The following IFT172 variants were observed in gnomAD, a reference collection of about 807,000 sequenced individuals.
IFT172 encodes intraflagellar transport protein 172 homolog.
In IFT172, 164 loss-of-function variants were observed where a neutral mutation model predicts 248.9. The observed-to-expected ratio is 0.66, with a 90% CI of 0.58 to 0.75. The LOEUF (loss-of-function observed/expected upper bound fraction) is 0.75, where lower values mean the gene tolerates loss of function less well. Ranked by LOEUF, IFT172 falls within the 30% of genes least tolerant of loss-of-function variation. IFT172 has a pLI of 0.00. For synonymous variants in IFT172, 729 were observed against 791.6 expected, an observed-to-expected ratio of 0.92 and a Z score of 1.33; for missense variants, 1,950 against 2,192.4, an observed-to-expected ratio of 0.89 and a Z score of 2.21.
intron 14 of IFT172, among the ~76,000 whole-genome samples, chr2:27,474,140 G>A (rs1390868428): frequency 6.6e-6 from 1 of 152,170 alleles, no homozygotes; most frequent in Non-Finnish European, 1.5e-5. Context: ...CATTGAAAAT[G>A]AGACCTACAG....
At chr2:27,460,918 C>T (rs1666605643) in intron 23 of IFT172, 97 bp downstream of exon 23, 6 of 1,302,098 alleles carry the variant, frequency 4.6e-6, no homozygotes, top group Non-Finnish European at 1.1e-6. Flanking sequence ...GAAACACCCA[C>T]AGGTGTGTAG....
At position 27,461,486 on chromosome 2, in the gene IFT172, C is replaced by T. The variant is rs747042638; in HGVS notation, c.2225G>A (p.Ser742Asn). ...GHPALEKLRR[S>N]YYQWLMDTQQ... ...TGTGTCCATCAGCCACTGGTAGTAA[C>T]TACGACGTAGCTTCTCCAGGGCTGG... The change falls in exon 22 of 48, where the codon AGT becomes AAT. Residue 742 changes from serine to asparagine, a missense_variant. Ser to Asn is a conservative substitution (Grantham distance 46, BLOSUM62 1). Transcript: ENST00000260570. The T allele has an allele frequency of 1.2e-6, 2 of 1,614,136 alleles. No homozygotes were observed. Among genetic ancestry groups the T allele is most frequent in the Non-Finnish European group, 1.7e-6 (2 of 1,179,980 alleles).
chr2:27,477,911 G>T, intron 11 of IFT172, 84 bp downstream of exon 11: 1 of 1,534,110 alleles, frequency 6.5e-7, no homozygotes, highest in Middle Eastern at 2.0e-4. Flanking sequence ...CTCATGGAGA[G>T]CTTACCCCTA....
At chr2:27,475,813 A>G (rs1016536110) in intron 14 of IFT172, among the ~76,000 whole-genome samples, 2 of 149,834 alleles carry the variant, frequency 1.3e-5, no homozygotes, top group Non-Finnish European at 3.0e-5. Context: ...TTCTTTTTTC[A>G]TAGAGATAGG....
intron 16 of IFT172, among the ~76,000 whole-genome samples, chr2:27,470,209 A>C (rs1420218571): frequency 6.6e-6 from 1 of 151,812 alleles, no homozygotes; most frequent in African/African-American, 2.4e-5. Context: ...GTATCACTGC[A>C]CTCCAGCCTG....
chr2:27,463,076 A>C (rs761917575), intron 19 of IFT172, 21 bp downstream of exon 19: 3 of 1,609,972 alleles, frequency 1.9e-6, no homozygotes, highest in Non-Finnish European at 2.6e-6. Context: ...AGACAGAATG[A>C]ATCAGGAGCA....
chr2:27,458,063 C>T (rs1373247304), intron 27 of IFT172, 63 bp downstream of exon 27: 3 of 1,611,724 alleles, frequency 1.9e-6, no homozygotes, highest in Non-Finnish European at 2.5e-6. Flanking sequence ...CCTCAGACCC[C>T]ATCCCTCGTC....
At chr2:27,451,626 C>A (rs1236622464) in intron 35 of IFT172, among the ~76,000 whole-genome samples, 1 of 152,076 alleles carries the variant, frequency 6.6e-6, no homozygotes, top group East Asian at 1.9e-4. Flanking sequence ...ATTAGCCCGG[C>A]ATGATGGTGG....
At position 27,483,304 on chromosome 2, in the gene IFT172, G is replaced by A. The variant is rs750613450; in HGVS notation, c.555C>T (p.Gly185=). The stretch of plus-strand genomic sequence containing the variant: ...TTATTCATACCTGTGACTCTCCAGA[G>A]CCTTCATCATCAAAGAAATACCTAA... ...TIVRYFFDDE[G]SGESQGKLVN... The change falls in exon 7 of 48, where the codon GGC becomes GGT. Residue 185 remains glycine (G), a synonymous_variant. Coordinates refer to ENST00000260570, the MANE Select transcript of IFT172 (RefSeq NM_015662.3). 2.5e-6 allele frequency: 4 copies of A among 1,589,644 alleles called. No individual in the cohort carries two copies. The highest frequency in any genetic ancestry group is 1.1e-5 in the South Asian group (1 of 90,576).
intron 1 of IFT172, among the ~76,000 whole-genome samples, chr2:27,488,838 G>A (rs11888096): frequency 0.08 from 12,195 of 152,158 alleles, 663 homozygotes; most frequent in African/African-American, 0.16. Context: ...GGGCAACATG[G>A]GGAAACCTCG....
chr2:27,454,528 AAG>A lies in IFT172; in HGVS notation c.3465+37_3465+38del. The stretch of plus-strand genomic sequence containing the variant: ...GCAGCAGTGCACTAGGGGATGGAAT[AAG>A]AGGGCTCTGCGGTCGGGGTCCAAAT... On this transcript the variant is annotated intron_variant, in intron 31 of 47. Transcript: ENST00000260570. The surrounding 1 kb of genome is among the most constrained non-coding windows in gnomAD (Gnocchi z 4.2). 1.2e-6 allele frequency: 2 copies of A among 1,611,430 alleles called. No homozygotes were observed. The highest frequency in any genetic ancestry group is 1.7e-6 in the Non-Finnish European group (2 of 1,177,616).
rs1665006312 is a variant in IFT172 at position 27,445,622 on chromosome 2, T to C, written c.4914+123A>G. ...CAGCCTTTTCTTTCTATTTTGCTTC[T>C]ACTTTCACTGAAAAAACAGTGAGGG... On this transcript the variant is annotated intron_variant, in intron 45 of 47. Coordinates refer to ENST00000260570, the MANE Select transcript of IFT172 (RefSeq NM_015662.3). This position sits in a 1 kb window ranked among gnomAD's most constrained non-coding sequence, Gnocchi z 4.4. The C allele has an allele frequency of 5.9e-6, 8 of 1,358,882 alleles. No individual in the cohort carries two copies. The East Asian group carries it at 1.9e-4, about 32-fold the overall frequency. The allele number at this position is 1,358,882 out of a possible 1,614,324, so 84.2% of individuals were successfully genotyped here.
chr2:27,475,181 G>A (rs1667875409), intron 14 of IFT172, among the ~76,000 whole-genome samples: 1 of 151,784 alleles, frequency 6.6e-6, no homozygotes, highest in African/African-American at 2.4e-5. Context: ...ATGAAGTCAG[G>A]CAATTTCAAG....
In IFT172 at chr2:27,449,487, TCCAAGTCTCA is replaced by T. The variant is rs752393147; in HGVS notation, c.4224+2_4224+11del. ...CCTGCATTCTGCCTCCTGCTAACTC[TCCAAGTCTCA>T]CCGAGTCCACTTTGCCCTGATTCTT... On this transcript the variant is annotated splice_donor_variant and splice_donor_5th_base_variant and intron_variant, in intron 38 of 47. Transcript: ENST00000260570. LOFTEE classifies it high-confidence loss of function. 6.2e-7 allele frequency: 1 copy of T among 1,614,180 alleles called. No individual in the cohort carries two copies. The highest frequency in any genetic ancestry group is 1.1e-5 in the South Asian group (1 of 91,084).
intron 9 of IFT172, 34 bp from the exon 10 acceptor site, chr2:27,479,638 C>T (rs761542682): frequency 2.4e-6 from 3 of 1,247,506 alleles, no homozygotes; most frequent in South Asian, 1.2e-5. Flanking sequence ...AAAGGTCACA[C>T]ACATAGTACA....
intron 22 of IFT172, 72 bp downstream of exon 22, chr2:27,461,197 C>T (rs951350449): frequency 1.7e-5 from 28 of 1,612,344 alleles, no homozygotes; most frequent in Non-Finnish European, 2.4e-5. Context: ...GCTCTGCACC[C>T]CAAGACTCCT....
intron 30 of IFT172, chr2:27,455,874 A>G: frequency 2.5e-6 from 1 of 407,998 alleles, no homozygotes; most frequent in Non-Finnish European, 4.6e-6. Context: ...GATGTAATAC[A>G]TATTTACAAA....
intron 1 of IFT172, among the ~76,000 whole-genome samples, chr2:27,488,724 T>C (rs1476196883): frequency 6.6e-6 from 1 of 152,238 alleles, no homozygotes; most frequent in Non-Finnish European, 1.5e-5. Context: ...TTAGTACTCA[T>C]GTTTTTTCAA....
intron 17 of IFT172, 102 bp from the exon 18 acceptor site, chr2:27,465,620 G>A (rs753145981): frequency 6.5e-7 from 1 of 1,534,566 alleles, no homozygotes; most frequent in African/African-American, 1.4e-5. Context: ...GGCCATCTTT[G>A]TCTCATCTCC....
Sources: gnomAD v4.1 joint callset for allele counts (sites outside exome capture counted in the v4.1 genomes callset) on GRCh38, gnomAD v4.1.1 for gene constraint, Gnocchi (gnomAD v3.1) non-coding constraint, MANE v1.5 for transcripts, NCBI Gene and HGNC (gene_info 2026-07-23, HGNC 2026-07-21) for gene names.